Variants in FIG4 observed in about 807,000 individuals in gnomAD.
FIG4 encodes polyphosphoinositide phosphatase.
In FIG4, 112 loss-of-function variants were observed where a neutral mutation model predicts 118.6. The ratio of observed to expected loss-of-function variants is 0.94; its 90% CI spans 0.81 to 1.11. The LOEUF (loss-of-function observed/expected upper bound fraction) is 1.11. Ranked by LOEUF, FIG4 falls within the 50% of genes least tolerant of loss-of-function variation. FIG4 has a pLI of 0.00. For missense variants in FIG4, 969 were observed against 1,111.7 expected (o/e 0.87, Z 1.83); for synonymous variants, 369 against 381.2 (o/e 0.97, Z 0.37).
intron 22 of FIG4, among the ~76,000 whole-genome samples, chr6:109,813,332 C>T (rs893360579): frequency 3.3e-5 from 5 of 152,082 alleles, no homozygotes; most frequent in East Asian, 3.8e-4. Flanking sequence ...TCAGGAAAAT[C>T]GGGAAATTAA....
intron 4 of FIG4, among the ~76,000 whole-genome samples, chr6:109,729,938 T>A (rs2224550): frequency 1.3e-5 from 2 of 151,886 alleles, no homozygotes; most frequent in Non-Finnish European, 2.9e-5. Flanking sequence ...TGGAAAAAAC[T>A]TCAAACATTA....
intron 10 of FIG4, among the ~76,000 whole-genome samples, chr6:109,751,790 T>A (rs1168129195): frequency 2.7e-5 from 4 of 146,918 alleles, no homozygotes; most frequent in African/African-American, 1.0e-4. Context: ...TTGTGTCTAT[T>A]TGATTCTTCT....
At chr6:109,816,112 C>A (rs1778856358) in intron 22 of FIG4, among the ~76,000 whole-genome samples, 1 of 152,132 alleles carries the variant, frequency 6.6e-6, no homozygotes, top group Admixed American at 6.6e-5. Context: ...TTGTACAGTT[C>A]TCCATTTGAA....
chr6:109,777,151 A>C, intron 16 of FIG4, 91 bp downstream of exon 16: 1 of 1,237,726 alleles, frequency 8.1e-7, no homozygotes, highest in Non-Finnish European at 1.1e-6. Context: ...ATAGGCTAAA[A>C]TAGTCAGTTT....
intron 10 of FIG4, among the ~76,000 whole-genome samples, chr6:109,758,035 C>T (rs1282032525): frequency 6.6e-6 from 1 of 152,112 alleles, no homozygotes; most frequent in Non-Finnish European, 1.5e-5. Context: ...GCCATACTGC[C>T]CAAAGTAATT....
intron 1 of FIG4, among the ~76,000 whole-genome samples, chr6:109,696,357 ACG>A (rs1324905538): frequency 1.3e-5 from 2 of 152,220 alleles, no homozygotes; most frequent in African/African-American, 4.8e-5. Context: ...TTTTTATAAT[ACG>A]CATTTTCCAT....
intron 21 of FIG4, among the ~76,000 whole-genome samples, chr6:109,795,094 A>C (rs570763671): frequency 4.9e-4 from 38 of 77,184 alleles, no homozygotes; most frequent in Non-Finnish European, 2.1e-4. Flanking sequence ...TACACTTGCC[A>C]GTTTTTTTTT....
chr6:109,743,075 A>T (rs1172632799), intron 8 of FIG4, 35 bp from the exon 9 acceptor site: 1 of 1,561,724 alleles, frequency 6.4e-7, no homozygotes, highest in Non-Finnish European at 8.8e-7. Flanking sequence ...ATTTCTAATA[A>T]CATAAAATAT....
At chr6:109,702,524 A>G (rs538000918) in intron 1 of FIG4, among the ~76,000 whole-genome samples, 1 of 152,304 alleles carries the variant, frequency 6.6e-6, no homozygotes, top group South Asian at 2.1e-4. Context: ...AAGCCCCAGC[A>G]TATCTACAAA....
chr6:109,812,729 G>A (rs572941391), intron 22 of FIG4, among the ~76,000 whole-genome samples: 1 of 152,250 alleles, frequency 6.6e-6, no homozygotes, highest in South Asian at 2.1e-4. Context: ...AAGTAAGAGA[G>A]CATCAGGAGT....
intron 10 of FIG4, among the ~76,000 whole-genome samples, chr6:109,756,758 A>G (rs1776919161): frequency 6.6e-6 from 1 of 152,170 alleles, no homozygotes; most frequent in Admixed American, 6.5e-5. Context: ...TTCTTGACGT[A>G]GTTCTCAAGA....
intron 22 of FIG4, among the ~76,000 whole-genome samples, chr6:109,813,123 A>G (rs1388256757): frequency 6.6e-6 from 1 of 152,212 alleles, no homozygotes; most frequent in Non-Finnish European, 1.5e-5. Flanking sequence ...TTTTATATTT[A>G]TAGGTCCTTT....
chr6:109,767,744 G>A (rs1324790383), intron 15 of FIG4, among the ~76,000 whole-genome samples: 1 of 152,060 alleles, frequency 6.6e-6, no homozygotes, highest in Admixed American at 6.6e-5. Context: ...TGGTGATGGG[G>A]GCCTGTAGTC....
At chr6:109,715,218 C>G in intron 2 of FIG4, 42 bp downstream of exon 2, 1 of 988,576 alleles carries the variant, frequency 1.0e-6, no homozygotes, top group Non-Finnish European at 1.6e-6. Context: ...ACTTTCATAC[C>G]TGTTGTTTAA....
At position 109,799,777 on chromosome 6, in the gene FIG4, C is replaced by G. The variant is rs114850553; in HGVS notation, c.2546+2926C>G. 3.7e-3 allele frequency among the ~76,000 whole-genome samples: 560 copies of G among 152,282 alleles called. 1 individual carries two copies. Among genetic ancestry groups the G allele is most frequent in the African/African-American group, 0.013 (537 of 41,548 alleles). ...GCAGAGACATGAATGGGCAGCTGGACACTTTCAACCACGGTCTTGCAGGAC... is the reference window on the plus strand; with the variant it reads ...GCAGAGACATGAATGGGCAGCTGGAGACTTTCAACCACGGTCTTGCAGGAC... On this transcript the variant is annotated intron_variant, in intron 22 of 22. Transcript: ENST00000230124.
rs535482031 is a variant in FIG4 at position 109,756,661 on chromosome 6, C to T, written c.1138-3589C>T. On this transcript the variant is annotated intron_variant, in intron 10 of 22. Transcript: ENST00000230124. ...TTTTTATTCTTTTTTCTCTAAACTT[C>T]CCTTCTCGCTTCATTTCATTCATTT... Among the ~76,000 whole-genome samples the T allele has an allele frequency of 2.6e-5, 4 of 152,200 alleles. No individual in the cohort carries two copies. The East Asian group carries it at 5.8e-4, about 22-fold the overall frequency.
At chr6:109,712,741 A>G (rs767255801) in intron 1 of FIG4, among the ~76,000 whole-genome samples, 2 of 152,180 alleles carry the variant, frequency 1.3e-5, no homozygotes, top group Non-Finnish European at 2.9e-5. Flanking sequence ...CATGTCAGCC[A>G]TCTCAGCCAG....
chr6:109,727,379 C>T, intron 4 of FIG4, 114 bp downstream of exon 4: 1 of 830,428 alleles, frequency 1.2e-6, no homozygotes, highest in Non-Finnish European at 2.0e-6. Context: ...GCCTTGGCCT[C>T]CCAGGCTCAA....
intron 5 of FIG4, among the ~76,000 whole-genome samples, chr6:109,734,355 TAC>T (rs539399679): frequency 2.7e-5 from 4 of 150,852 alleles, no homozygotes; most frequent in African/African-American, 2.4e-5. Flanking sequence ...GAAATATATA[TAC>T]ACACACACAC....
Sources: allele counts gnomAD v4.1 joint callset (sites outside exome capture counted in the v4.1 genomes callset), GRCh38; gene constraint gnomAD v4.1.1; transcripts MANE v1.5; gene names NCBI Gene and HGNC (gene_info 2026-07-23, HGNC 2026-07-21).